LINGO2: variants seen among roughly 807,000 people sequenced by gnomAD.
LINGO2 encodes leucine rich repeat and Ig domain containing 2.
LINGO2 carries 14 observed loss-of-function variants against 30.6 expected under a neutral mutation model. The observed-to-expected ratio is 0.46, with a 90% CI of 0.30 to 0.72. The LOEUF is 0.72. LINGO2 is among the 30% of genes least tolerant of loss of function. The probability of loss-of-function intolerance (pLI) is 0.07; values close to 1 mark genes in which losing one functional copy is unlikely to be tolerated. For missense variants in LINGO2, 729 were observed against 751.7 expected (o/e 0.97, Z 0.35); for synonymous variants, 317 against 288.5 (o/e 1.10, Z -1.00).
chr9:28,553,461 A>G (rs1822429490), intron 1 of LINGO2, among the ~76,000 whole-genome samples: 1 of 152,108 alleles, frequency 6.6e-6, no homozygotes, highest in South Asian at 2.1e-4. Context: ...AAGAATAAAA[A>G]GAAACGAGCA....
chr9:28,075,947 G>A (rs1200181502), intron 4 of LINGO2, among the ~76,000 whole-genome samples: 1 of 151,718 alleles, frequency 6.6e-6, no homozygotes, highest in Admixed American at 6.6e-5. Context: ...TTTGTGCTGT[G>A]CATTAGTTTG....
At chr9:28,193,775 G>A (rs1396010393) in intron 4 of LINGO2, among the ~76,000 whole-genome samples, 1 of 152,150 alleles carries the variant, frequency 6.6e-6, no homozygotes, top group African/African-American at 2.4e-5. Flanking sequence ...AGAGTCCCTC[G>A]TGTGAGTCCA....
chr9:28,988,938 T>C, the LINGO2 span, among the ~76,000 whole-genome samples: 2 of 152,334 alleles, frequency 1.3e-5, no homozygotes, highest in South Asian at 4.1e-4. Flanking sequence ...ATGGATAGTT[T>C]CTCATTGAAT....
At chr9:28,617,157 C>A (rs1826165747) in intron 1 of LINGO2, among the ~76,000 whole-genome samples, 1 of 152,038 alleles carries the variant, frequency 6.6e-6, no homozygotes, top group African/African-American at 2.4e-5. Flanking sequence ...CATATTAAAA[C>A]CATCTTTTCA....
intron 4 of LINGO2, among the ~76,000 whole-genome samples, chr9:28,072,160 T>C (rs930556781): frequency 3.3e-5 from 5 of 152,198 alleles, no homozygotes; most frequent in African/African-American, 1.2e-4. Context: ...TTGTGTGCTT[T>C]CTGGGAAAGG....
intron 4 of LINGO2, among the ~76,000 whole-genome samples, chr9:28,291,238 G>A (rs956916299): frequency 6.6e-5 from 10 of 152,062 alleles, no homozygotes; most frequent in African/African-American, 1.9e-4. Context: ...TAAGGCAATC[G>A]GCATCATCCA....
At chr9:29,129,330 T>G in the LINGO2 span, among the ~76,000 whole-genome samples, 1 of 152,118 alleles carries the variant, frequency 6.6e-6, no homozygotes. Context: ...GATAAACTGT[T>G]AAAATGAAAA....
intron 1 of LINGO2, among the ~76,000 whole-genome samples, chr9:28,587,650 G>T (rs1243219466): frequency 2.0e-5 from 3 of 151,850 alleles, no homozygotes; most frequent in African/African-American, 7.2e-5. Flanking sequence ...GGAGTCCAAA[G>T]AACAAAGCAA....
At chr9:28,564,406 T>C (rs1185648703) in intron 1 of LINGO2, among the ~76,000 whole-genome samples, 1 of 152,066 alleles carries the variant, frequency 6.6e-6, no homozygotes, top group Non-Finnish European at 1.5e-5. Context: ...ATAATCCAGT[T>C]TACTTGAGTC....
chr9:28,312,305 T>A lies in LINGO2; in HGVS notation c.-245-16939A>T, dbSNP rs545526662. ...ACTTTGACATAAGCTCAAATTTTTT[T>A]AAATTTTTATTTGAAAATTGTGAAT... On this transcript the variant is annotated intron_variant, in intron 3 of 5. Transcript: ENST00000379992. Among the ~76,000 whole-genome samples, 29 of 152,116 alleles carry A rather than the reference T, an allele frequency of 1.9e-4. No individual in the cohort carries two copies. In the South Asian group the frequency reaches 5.0e-3, roughly 26 times the overall value.
intron 5 of LINGO2, among the ~76,000 whole-genome samples, chr9:27,986,672 T>C (rs940114687): frequency 4.6e-5 from 7 of 151,562 alleles, no homozygotes; most frequent in Non-Finnish European, 7.4e-5. Context: ...ATGGCTGGAG[T>C]ATCAGGGAAA....
At chr9:28,638,587 C>A (rs7032964) in intron 1 of LINGO2, among the ~76,000 whole-genome samples, 42,275 of 151,920 alleles carry the variant, frequency 0.28, 6,792 homozygotes, top group African/African-American at 0.45. Context: ...TTTCTTCTAG[C>A]TTTTCTAGTA....
chr9:28,905,669 T>C, the LINGO2 span, among the ~76,000 whole-genome samples: 1 of 152,150 alleles, frequency 6.6e-6, no homozygotes, highest in East Asian at 1.9e-4. Flanking sequence ...CTAATGTTGG[T>C]GAGAATGTAG....
the LINGO2 span, among the ~76,000 whole-genome samples, chr9:29,164,978 C>A: frequency 2.6e-4 from 39 of 152,134 alleles, no homozygotes; most frequent in South Asian, 8.1e-3. Context: ...AATTCAGCCT[C>A]TTAGATTTTT....
the LINGO2 span, among the ~76,000 whole-genome samples, chr9:28,808,973 G>A: frequency 6.6e-6 from 1 of 152,046 alleles, no homozygotes; most frequent in African/African-American, 2.4e-5. Context: ...TCCTCATTCT[G>A]TCTTACCAGA....
chr9:28,359,668 C>T (rs765767745), intron 3 of LINGO2, among the ~76,000 whole-genome samples: 12 of 152,076 alleles, frequency 7.9e-5, no homozygotes, highest in Non-Finnish European at 1.2e-4. Flanking sequence ...GTTTTTTCTA[C>T]CAAGTCCCTT....
chr9:28,070,670 T>G (rs1825446686), intron 4 of LINGO2, among the ~76,000 whole-genome samples: 1 of 152,170 alleles, frequency 6.6e-6, no homozygotes, highest in Non-Finnish European at 1.5e-5. Flanking sequence ...ATTATGTACT[T>G]GGTGTTATAG....
chr9:27,993,492 A>C (rs1821499807), intron 5 of LINGO2, among the ~76,000 whole-genome samples: 1 of 152,076 alleles, frequency 6.6e-6, no homozygotes, highest in African/African-American at 2.4e-5. Flanking sequence ...ATTCATGATC[A>C]TACCACTGCA....
At chr9:28,557,506 G>A (rs2135534170) in intron 1 of LINGO2, among the ~76,000 whole-genome samples, 1 of 152,148 alleles carries the variant, frequency 6.6e-6, no homozygotes, top group East Asian at 1.9e-4. Context: ...GACAGGTGCT[G>A]GAGAGGATGT....
Sources: gnomAD v4.1 joint callset for allele counts (sites outside exome capture counted in the v4.1 genomes callset) on GRCh38, gnomAD v4.1.1 for gene constraint, MANE v1.5 for transcripts, NCBI Gene and HGNC (gene_info 2026-07-23, HGNC 2026-07-21) for gene names.